TSNAX: variants seen among roughly 807,000 people sequenced by gnomAD.
TSNAX encodes translin associated factor X.
In TSNAX, 12 loss-of-function variants were observed where a neutral mutation model predicts 33.0. That is an observed-to-expected ratio of 0.36 (90% confidence interval 0.23 to 0.59). The LOEUF is 0.59. Among genes scored for constraint, TSNAX ranks in the 20% least tolerant of loss-of-function variants. TSNAX has a pLI of 0.74. For synonymous variants in TSNAX, 110 were observed against 117.2 expected, an observed-to-expected ratio of 0.94 and a Z score of 0.40; for missense variants, 267 against 341.3, an observed-to-expected ratio of 0.78 and a Z score of 1.72.
chr1:231,558,123 A>G (rs1426880382), intron 4 of TSNAX, among the ~76,000 whole-genome samples: 1 of 152,234 alleles, frequency 6.6e-6, no homozygotes, highest in South Asian at 2.1e-4. Flanking sequence ...ATCGGCTGGC[A>G]GAGACATTTG....
chr1:231,549,988 A>G (rs374975853), intron 4 of TSNAX, among the ~76,000 whole-genome samples: 11 of 152,282 alleles, frequency 7.2e-5, no homozygotes, highest in South Asian at 2.1e-4. Flanking sequence ...GCAGATGGCT[A>G]TCTTTTCCCT....
intron 4 of TSNAX, among the ~76,000 whole-genome samples, chr1:231,543,102 CG>C (rs1164544461): frequency 1.3e-5 from 2 of 151,366 alleles, no homozygotes; most frequent in Non-Finnish European, 2.9e-5. Flanking sequence ...CACTTGAACC[CG>C]GGAGGTGGAG....
chr1:231,534,219 T>C (rs1476158457), intron 2 of TSNAX: 1 of 152,196 alleles, frequency 6.6e-6, no homozygotes, highest in Non-Finnish European at 1.5e-5. Context: ...GATGGTTTGT[T>C]GATTTGTTCT....
intron 4 of TSNAX, among the ~76,000 whole-genome samples, chr1:231,549,395 G>A (rs1660156249): frequency 1.3e-5 from 2 of 152,128 alleles, no homozygotes; most frequent in African/African-American, 4.8e-5. Flanking sequence ...ACTCCAGCTT[G>A]GGAGACAGAG....
intron 2 of TSNAX, among the ~76,000 whole-genome samples, chr1:231,533,331 C>T (rs548677384): frequency 3.8e-4 from 58 of 152,218 alleles, no homozygotes; most frequent in Non-Finnish European, 6.6e-4. Flanking sequence ...GAACTCTTGA[C>T]CTCAAGTGAT....
chr1:231,554,578 G>A (rs1236279446), intron 4 of TSNAX: 4 of 152,296 alleles, frequency 2.6e-5, no homozygotes, highest in East Asian at 1.9e-4. Flanking sequence ...GACGAGTGCC[G>A]CCTTGATTGG....
intron 4 of TSNAX, among the ~76,000 whole-genome samples, chr1:231,556,003 G>C (rs1660667528): frequency 6.6e-6 from 1 of 152,090 alleles, no homozygotes; most frequent in African/African-American, 2.4e-5. Context: ...AAAAGCAATA[G>C]ACAATCAAAA....
intron 4 of TSNAX, among the ~76,000 whole-genome samples, chr1:231,556,501 C>T (rs921146699): frequency 1.3e-5 from 2 of 152,126 alleles, no homozygotes; most frequent in East Asian, 1.9e-4. Flanking sequence ...TTATCAACAG[C>T]TACATATGAA....
chr1:231,532,136 A>ACACACACACACACACACACG (rs1312905992), intron 2 of TSNAX, among the ~76,000 whole-genome samples: 2 of 52,946 alleles, frequency 3.8e-5, no homozygotes, highest in East Asian at 5.4e-4. Context: ...GTAATAACAC[A>ACACACACACACACACACACG]CACACACACA....
chr1:231,549,710 CCTT>C (rs1660175546), intron 4 of TSNAX, among the ~76,000 whole-genome samples: 1 of 152,102 alleles, frequency 6.6e-6, no homozygotes, highest in Non-Finnish European at 1.5e-5. Flanking sequence ...AGAAATACAT[CCTT>C]CTTTGTTTGT....
chr1:231,563,404 ATGTTCTCATTTAACCC>A (rs2124950655), intron 5 of TSNAX: 1 of 153,642 alleles, frequency 6.5e-6, no homozygotes, highest in South Asian at 2.1e-4. Context: ...AACTTGGTAA[ATGTTCTCATTTAACCC>A]TTAAAATAAA....
Position 231,565,848 on chromosome 1 carries a change from G to C in TSNAX, c.*943G>C, listed in dbSNP as rs948417020. The C allele has an allele frequency of 4.6e-5, 7 of 152,040 alleles. No homozygotes were observed. Among genetic ancestry groups the C allele is most frequent in the African/African-American group, 1.7e-4 (7 of 41,394 alleles). The allele number at this position is 152,040 out of a possible 1,614,324, so 9.4% of individuals were successfully genotyped here. A position where few individuals can be genotyped will look rare whatever the true frequency, so the allele number is the denominator to read the frequency against. Reference sequence around the variant, plus strand: ...AACAACCTTCCATAAAAATTTGACAGGTGCCCAGATGTTGCTTTCTCCATT... The same window carrying C: ...AACAACCTTCCATAAAAATTTGACACGTGCCCAGATGTTGCTTTCTCCATT... On this transcript the variant is annotated 3_prime_UTR_variant, in exon 6 of 6. Coordinates refer to ENST00000366639, the MANE Select transcript of TSNAX (RefSeq NM_005999.3).
Position 231,564,483 on chromosome 1 carries a change from G to GT in TSNAX, c.496-44dup, listed in dbSNP as rs377315832. On this transcript the variant is annotated intron_variant, in intron 5 of 5. Transcript: ENST00000366639. The stretch of plus-strand genomic sequence containing the variant: ...ACTCTTTTTCACAGTGTTCTTTCTT[G>GT]TGTGTGTGTGTGTGTGTTTTTGTTT... The GT allele has an allele frequency of 6.0e-4, 810 of 1,346,568 alleles. 5 individuals carry two copies. In the African/African-American group the frequency reaches 0.011, roughly 18 times the overall value. The allele number at this position is 1,346,568 out of a possible 1,614,324, so 83.4% of individuals were successfully genotyped here.
chr1:231,551,521 T>C (rs756286678), intron 4 of TSNAX, among the ~76,000 whole-genome samples: 1 of 152,230 alleles, frequency 6.6e-6, no homozygotes, highest in Non-Finnish European at 1.5e-5. Flanking sequence ...TTGTTTGGCA[T>C]ATAACCATTA....
Position 231,529,913 on chromosome 1 carries a change from C to T in TSNAX, c.121+554C>T, listed in dbSNP as rs148872072. Among the ~76,000 whole-genome samples, 1,026 of 152,344 alleles carry T rather than the reference C, an allele frequency of 6.7e-3. 6 individuals carry two copies. The highest frequency in any genetic ancestry group is 0.01 in the South Asian group (49 of 4,828). On this transcript the variant is annotated intron_variant, in intron 2 of 5. Transcript: ENST00000366639. The stretch of plus-strand genomic sequence containing the variant: ...CCTTTTGTCCCTGTCTATCCACTAT[C>T]CTGTACCTTACGTTTCTGTGATTAA...
chr1:231,529,036 G>GT (rs2124864952), intron 1 of TSNAX, among the ~76,000 whole-genome samples: 1 of 152,294 alleles, frequency 6.6e-6, no homozygotes, highest in African/African-American at 2.4e-5. Context: ...TCCTAGTTCA[G>GT]TAATTGCTGT....
At chr1:231,543,746 A>G (rs1659725496) in intron 4 of TSNAX, among the ~76,000 whole-genome samples, 1 of 152,230 alleles carries the variant, frequency 6.6e-6, no homozygotes, top group African/African-American at 2.4e-5. Flanking sequence ...GCATTGTTGG[A>G]AACTGAAGTG....
chr1:231,558,435 A>G (rs1411629485), intron 4 of TSNAX, among the ~76,000 whole-genome samples: 1 of 152,198 alleles, frequency 6.6e-6, no homozygotes, highest in Non-Finnish European at 1.5e-5. Flanking sequence ...ACATGCTTTA[A>G]GTATCCACCT....
At chr1:231,560,805 G>A (rs141526391) in intron 4 of TSNAX, among the ~76,000 whole-genome samples, 111 of 151,834 alleles carry the variant, frequency 7.3e-4, no homozygotes, top group African/African-American at 2.3e-3. Context: ...GATTACAGGC[G>A]CCCGCCACCA....
Sources: allele counts gnomAD v4.1 joint callset (sites outside exome capture counted in the v4.1 genomes callset), GRCh38; gene constraint gnomAD v4.1.1; transcripts MANE v1.5; gene names NCBI Gene and HGNC (gene_info 2026-07-23, HGNC 2026-07-21).